The following DIAPH3 variants were observed in gnomAD, a reference collection of about 807,000 sequenced individuals.
DIAPH3 encodes protein diaphanous homolog 3.
A neutral mutation model predicts 144.3 loss-of-function variants in DIAPH3; 117 were observed. That is an observed-to-expected ratio of 0.81 (90% CI 0.70 to 0.95). The LOEUF (loss-of-function observed/expected upper bound fraction) is 0.95. DIAPH3 is among the 40% of genes least tolerant of loss of function. DIAPH3 has a pLI of 0.00. For synonymous variants in DIAPH3, 519 were observed against 488.9 expected, an observed-to-expected ratio of 1.06 and a Z score of -0.81; for missense variants, 1,421 against 1,412.7, an observed-to-expected ratio of 1.01 and a Z score of -0.09.
chr13:59,802,549 T>C (rs2039960975), intron 25 of DIAPH3, among the ~76,000 whole-genome samples: 1 of 135,236 alleles, frequency 7.4e-6, no homozygotes, highest in African/African-American at 2.7e-5. Context: ...CTTTTGGCTA[T>C]AGGAAGACAA....
intron 17 of DIAPH3, among the ~76,000 whole-genome samples, chr13:59,943,985 A>G (rs1313454923): frequency 3.3e-5 from 5 of 152,158 alleles, no homozygotes; most frequent in African/African-American, 9.6e-5. Context: ...GTCAAGGTGG[A>G]AGGATCACTT....
intron 5 of DIAPH3, among the ~76,000 whole-genome samples, chr13:60,031,027 C>T (rs2054750098): frequency 6.6e-6 from 1 of 152,156 alleles, no homozygotes; most frequent in Non-Finnish European, 1.5e-5. Flanking sequence ...TCTTGCATTG[C>T]TATAAAGAAA....
chr13:59,741,424 A>G (rs1410786867), intron 27 of DIAPH3, among the ~76,000 whole-genome samples: 1 of 152,170 alleles, frequency 6.6e-6, no homozygotes, highest in African/African-American at 2.4e-5. Context: ...TCTCAGAGAG[A>G]CAAAAACAGA....
At chr13:59,941,766 C>T (rs2048545226) in intron 17 of DIAPH3, among the ~76,000 whole-genome samples, 1 of 151,960 alleles carries the variant, frequency 6.6e-6, no homozygotes, top group African/African-American at 2.4e-5. Context: ...ATATAAAATC[C>T]CCTGCAACTC....
chr13:60,098,546 A>T lies in DIAPH3; in HGVS notation c.391-4814T>A, dbSNP rs75837900. ...ATACCATCTGAAAATAATTTACTTG[A>T]TATTAAAATAAGACTTCTTTCAAAT... On this transcript the variant is annotated intron_variant, in intron 3 of 27. Transcript: ENST00000400324. 3.7e-3 allele frequency among the ~76,000 whole-genome samples: 565 copies of T among 152,318 alleles called. 1 individual carries two copies. The highest frequency in any genetic ancestry group is 0.012 in the African/African-American group (499 of 41,566).
chr13:59,987,316 G>C (rs1179352991), intron 12 of DIAPH3, among the ~76,000 whole-genome samples: 1 of 151,038 alleles, frequency 6.6e-6, no homozygotes, highest in Non-Finnish European at 1.5e-5. Flanking sequence ...CACACTCTGG[G>C]GACTGTGGTG....
intron 20 of DIAPH3, among the ~76,000 whole-genome samples, chr13:59,893,631 C>T (rs1315623684): frequency 6.6e-6 from 1 of 151,768 alleles, no homozygotes; most frequent in African/African-American, 2.4e-5. Flanking sequence ...TGGTGGTCTT[C>T]TAGGGAGGCA....
chr13:59,899,249 C>G (rs1342641791), intron 20 of DIAPH3, among the ~76,000 whole-genome samples: 1 of 152,126 alleles, frequency 6.6e-6, no homozygotes, highest in Non-Finnish European at 1.5e-5. Flanking sequence ...TCCTGTGAGT[C>G]AAAACTGCTT....
intron 5 of DIAPH3, among the ~76,000 whole-genome samples, chr13:60,035,017 A>G (rs901886611): frequency 1.3e-5 from 2 of 151,974 alleles, no homozygotes; most frequent in Non-Finnish European, 2.9e-5. Context: ...TTTTAAATAA[A>G]CTGGGAGATA....
rs1267376298 is a variant in DIAPH3, at chr13:59,666,542, T to C, written c.*42A>G. 6.2e-7 allele frequency: 1 copy of C among 1,611,862 alleles called. No individual in the cohort carries two copies. The highest frequency in any genetic ancestry group is 1.1e-5 in the South Asian group (1 of 90,566). Reference sequence around the variant, plus strand: ...CAAGTGTTATAGTTTAGAGCATGGCTTTATATTTGGCTTAATCATTTTTTT... The same window carrying C: ...CAAGTGTTATAGTTTAGAGCATGGCCTTATATTTGGCTTAATCATTTTTTT... On this transcript the variant is annotated 3_prime_UTR_variant, in exon 28 of 28. Transcript: ENST00000400324.
chr13:60,145,684 G>C (rs1173285670), intron 1 of DIAPH3, among the ~76,000 whole-genome samples: 1 of 152,100 alleles, frequency 6.6e-6, no homozygotes, highest in South Asian at 2.1e-4. Flanking sequence ...GGGCATGGAG[G>C]GGGGTTGCAA....
At chr13:59,865,904 TTCC>T (rs1033391932) in intron 21 of DIAPH3, among the ~76,000 whole-genome samples, 1 of 152,052 alleles carries the variant, frequency 6.6e-6, no homozygotes, top group African/African-American at 2.4e-5. Flanking sequence ...CTGGAATCCC[TTCC>T]TGTTTGAAAT....
chr13:59,771,702 C>T (rs1431472952), intron 27 of DIAPH3, among the ~76,000 whole-genome samples: 2 of 152,120 alleles, frequency 1.3e-5, no homozygotes, highest in East Asian at 1.9e-4. Context: ...GATAGGCATG[C>T]ATTCAAAATT....
intron 25 of DIAPH3, among the ~76,000 whole-genome samples, chr13:59,780,895 A>C (rs1413861022): frequency 6.6e-6 from 1 of 152,220 alleles, no homozygotes; most frequent in Non-Finnish European, 1.5e-5. Flanking sequence ...TCGGGCCTCA[A>C]ATTCAGACAA....
intron 17 of DIAPH3, among the ~76,000 whole-genome samples, chr13:59,930,525 G>C (rs535679448): frequency 6.6e-6 from 1 of 152,264 alleles, no homozygotes; most frequent in African/African-American, 2.4e-5. Flanking sequence ...AATAGTATTT[G>C]AAGGTGTAAA....
intron 25 of DIAPH3, among the ~76,000 whole-genome samples, chr13:59,807,021 C>T (rs1260904422): frequency 3.3e-5 from 5 of 151,554 alleles, no homozygotes; most frequent in Non-Finnish European, 1.5e-5. Flanking sequence ...GCATATTCTA[C>T]ATATAATATG....
At chr13:59,964,123 TAAC>T (rs1336949155) in intron 17 of DIAPH3, among the ~76,000 whole-genome samples, 4 of 152,084 alleles carry the variant, frequency 2.6e-5, no homozygotes, top group Non-Finnish European at 5.9e-5. Context: ...AGGTGTGAGA[TAAC>T]AACAATGAAA....
At chr13:60,070,252 A>T (rs988404842) in intron 4 of DIAPH3, among the ~76,000 whole-genome samples, 5 of 142,544 alleles carry the variant, frequency 3.5e-5, no homozygotes, top group African/African-American at 1.0e-4. Context: ...TGTAAATGGG[A>T]TTGCATTCTT....
intron 1 of DIAPH3, among the ~76,000 whole-genome samples, chr13:60,160,342 A>G (rs191322397): frequency 6.6e-6 from 1 of 152,376 alleles, no homozygotes; most frequent in African/African-American, 2.4e-5. Context: ...TTTACACTGA[A>G]GTCTGTGAGA....
Sources: allele counts gnomAD v4.1 joint callset (sites outside exome capture counted in the v4.1 genomes callset), GRCh38; gene constraint gnomAD v4.1.1; transcripts MANE v1.5; gene names NCBI Gene and HGNC (gene_info 2026-07-23, HGNC 2026-07-21).